The following PLPP7 variants were observed in gnomAD, a reference collection of about 807,000 sequenced individuals.
PLPP7 encodes the protein inactive phospholipid phosphatase 7.
A neutral mutation model predicts 16.9 loss-of-function variants in PLPP7; 11 were observed. The observed-to-expected ratio is 0.65, with a 90% CI of 0.41 to 1.08. The LOEUF (loss-of-function observed/expected upper bound fraction) is 1.08. Among genes scored for constraint, PLPP7 ranks in the 50% least tolerant of loss-of-function variants. The pLI is 0.00. For missense variants in PLPP7, 358 were observed against 397.1 expected (o/e 0.90, Z 0.84); for synonymous variants, 174 against 175.1 (o/e 0.99, Z 0.05).
intron 1 of PLPP7, among the ~76,000 whole-genome samples, chr9:131,305,908 T>C (rs1835846704): frequency 6.6e-6 from 1 of 151,900 alleles, no homozygotes; most frequent in Non-Finnish European, 1.5e-5. Context: ...GGATTATAAG[T>C]GTGACCCACC....
rs57655140 is a variant in PLPP7 at position 131,305,385 on chromosome 9, TAA to T, written c.452-2529_452-2528del. Among the ~76,000 whole-genome samples, 7 of 150,314 alleles carry T rather than the reference TAA, an allele frequency of 4.7e-5. No individual in the cohort carries two copies. In the South Asian group the frequency reaches 1.1e-3, roughly 23 times the overall value. ...GGCAGCAAAGTGGGATGCCCATCTG[TAA>T]AAAAAAAATTTTTTTTTAATTAGCT... On this transcript the variant is annotated intron_variant, in intron 1 of 1. Transcript: ENST00000372264.
At chr9:131,291,538 C>G (rs1487125301) in intron 1 of PLPP7, 1 of 390,978 alleles carries the variant, frequency 2.6e-6, no homozygotes, top group Non-Finnish European at 3.5e-6. Flanking sequence ...GGTCTGCCAC[C>G]TTCGAGGTTT....
intron 1 of PLPP7, among the ~76,000 whole-genome samples, chr9:131,296,296 G>T (rs1043827649): frequency 1.3e-5 from 2 of 152,054 alleles, no homozygotes; most frequent in Non-Finnish European, 2.9e-5. Context: ...ACAGAGTCTC[G>T]CTCTGTCACC....
Position 131,289,726 on chromosome 9 carries a change from G to A in PLPP7, c.-272G>A. The stretch of plus-strand genomic sequence containing the variant: ...CCAGGCCCGAGGCAGCCAGGCCGCA[G>A]CTGTGGACTCCTCACCTCCCGGAGG... On this transcript the variant is annotated 5_prime_UTR_variant, in exon 1 of 2. Coordinates refer to ENST00000372264, the MANE Select transcript of PLPP7 (RefSeq NM_032728.4). The A allele has an allele frequency of 2.6e-6, 1 of 381,326 alleles. No homozygotes were observed. Among genetic ancestry groups the A allele is most frequent in the Non-Finnish European group, 4.6e-6 (1 of 215,286 alleles). 23.6% of individuals were successfully genotyped at this position (381,326 alleles called of 1,614,324 possible).
chr9:131,291,315 A>G (rs1835675274), intron 1 of PLPP7: 3 of 1,210,248 alleles, frequency 2.5e-6, no homozygotes, highest in Admixed American at 5.9e-5. Context: ...TTTGAGGGAC[A>G]TGTGAGGTGG....
At chr9:131,307,601 G>A (rs894934013) in intron 1 of PLPP7, among the ~76,000 whole-genome samples, 1 of 144,458 alleles carries the variant, frequency 6.9e-6, no homozygotes, top group Admixed American at 6.9e-5. Flanking sequence ...GAAATAAAAT[G>A]CGTATTATGT....
At chr9:131,301,720 A>G (rs1167024684) in intron 1 of PLPP7, among the ~76,000 whole-genome samples, 1 of 151,776 alleles carries the variant, frequency 6.6e-6, no homozygotes, top group East Asian at 1.9e-4. Context: ...GTCAGCCACC[A>G]CACTCCTCCC....
In PLPP7 at chr9:131,307,987, C is replaced by A; in HGVS notation, c.516C>A (p.Tyr172Ter). ...AGCTCATCAAGCGGCGCGGCCCGTA[C>A]GAGACGAGCCCCAGCCTCCTGGACT... ...VQKLIKRRGP[Y>*]ETSPSLLDYL... Residue 172 changes from tyrosine (Y) to a stop codon, truncating the protein, a stop_gained, in exon 2 of 2, where the codon TAC becomes TAA. Transcript: ENST00000372264. LOFTEE classifies it high-confidence loss of function. The A allele has an allele frequency of 6.2e-7, 1 of 1,600,370 alleles. No individual in the cohort carries two copies.
chr9:131,298,834 TC>T (rs1835764831), intron 1 of PLPP7, among the ~76,000 whole-genome samples: 1 of 152,170 alleles, frequency 6.6e-6, no homozygotes, highest in African/African-American at 2.4e-5. Context: ...AGGGTGGGCC[TC>T]GAGGTGGGTT....
rs188549216 is a variant in PLPP7, at chr9:131,292,457, G to A, written c.451+2009G>A. 3.3e-5 allele frequency among the ~76,000 whole-genome samples: 5 copies of A among 152,332 alleles called. No homozygotes were observed. The East Asian group carries it at 9.6e-4, about 29-fold the overall frequency. ...ACCATAACCCATGGAGCTTGGTGCT[G>A]TTATTATTCCCCATTTAAAGAGGGG... On this transcript the variant is annotated intron_variant, in intron 1 of 1. Transcript: ENST00000372264.
At chr9:131,307,145 C>T (rs1193742352) in intron 1 of PLPP7, among the ~76,000 whole-genome samples, 3 of 150,882 alleles carry the variant, frequency 2.0e-5, no homozygotes, top group Non-Finnish European at 2.9e-5. Flanking sequence ...ACTCGGGAGG[C>T]TGAAGTATGA....
In PLPP7 at chr9:131,307,936, C is replaced by T. The variant is rs137860819; in HGVS notation, c.465C>T (p.Asp155=). ...TCCCCCCAACAGCCCTGCTCCTGGACATCATGACGGTGGCCGGCGTGCAGA... is the reference window on the plus strand; with the variant it reads ...TCCCCCCAACAGCCCTGCTCCTGGATATCATGACGGTGGCCGGCGTGCAGA... ...LMNLLLALLL[D]IMTVAGVQKL... is the part of the protein sequence containing the mutation. The change falls in exon 2 of 2, where the codon GAC becomes GAT. Residue 155 remains aspartate (D), a synonymous_variant. Coordinates refer to ENST00000372264, the MANE Select transcript of PLPP7 (RefSeq NM_032728.4). The T allele has an allele frequency of 1.5e-4, 241 of 1,591,206 alleles. 1 individual carries two copies. The highest frequency in any genetic ancestry group is 8.2e-4 in the Middle Eastern group (5 of 6,062).
intron 1 of PLPP7, among the ~76,000 whole-genome samples, chr9:131,307,551 C>CAAAAAAAAAAAAA (rs57469502): frequency 1.7e-5 from 1 of 60,586 alleles, no homozygotes; most frequent in Admixed American, 2.5e-4. Context: ...AACTCTGTCT[C>CAAAAAAAAAAAAA]AAAAAAAAAA....
chr9:131,298,556 G>A (rs1372918995), intron 1 of PLPP7, among the ~76,000 whole-genome samples: 1 of 151,828 alleles, frequency 6.6e-6, no homozygotes, highest in Non-Finnish European at 1.5e-5. Flanking sequence ...TGGTCCCACA[G>A]AGTGCGTCCT....
chr9:131,306,544 A>C (rs546023394), intron 1 of PLPP7, among the ~76,000 whole-genome samples: 28 of 152,194 alleles, frequency 1.8e-4, no homozygotes, highest in Non-Finnish European at 3.5e-4. Flanking sequence ...CTCAAAAAAA[A>C]AAAGAAAGAG....
chr9:131,307,053 TG>T (rs1385091404), intron 1 of PLPP7, among the ~76,000 whole-genome samples: 2 of 151,894 alleles, frequency 1.3e-5, no homozygotes, highest in Admixed American at 6.6e-5. Flanking sequence ...GAGACCAGCC[TG>T]GCCAACATGG....
rs1016977364 is a variant in PLPP7, at chr9:131,308,976, C to G, written c.*689C>G. ...TTCTAAACTTATTTGACCACAGAAC[C>G]CTTTTCTTGGGGAACAGCTATTAAC... On this transcript the variant is annotated 3_prime_UTR_variant, in exon 2 of 2. Coordinates refer to ENST00000372264, the MANE Select transcript of PLPP7 (RefSeq NM_032728.4). 6.6e-6 allele frequency: 1 copy of G among 152,288 alleles called. No homozygotes were observed. Among genetic ancestry groups the G allele is most frequent in the African/African-American group, 2.4e-5 (1 of 41,466 alleles). 9.4% of individuals were successfully genotyped at this position (152,288 alleles called of 1,614,324 possible). A position where few individuals can be genotyped will look rare whatever the true frequency, so the allele number is the denominator to read the frequency against.
At position 131,308,299 on chromosome 9, in the gene PLPP7, G is replaced by A. The variant is rs764137049; in HGVS notation, c.*12G>A. On this transcript the variant is annotated 3_prime_UTR_variant, in exon 2 of 2. Coordinates refer to ENST00000372264, the MANE Select transcript of PLPP7 (RefSeq NM_032728.4). ...TCTCTGCCTGGTGAAGCGCCCGCCG[G>A]CCCACACAAGCCTCTGGGGGCAGGG... 1.9e-6 allele frequency: 3 copies of A among 1,572,606 alleles called. No individual in the cohort carries two copies. The highest frequency in any genetic ancestry group is 2.7e-5 in the African/African-American group (2 of 74,536).
chr9:131,293,910 C>T (rs2131213876), intron 1 of PLPP7, among the ~76,000 whole-genome samples: 1 of 152,292 alleles, frequency 6.6e-6, no homozygotes, highest in South Asian at 2.1e-4. Flanking sequence ...CTCAGCTAAC[C>T]CCCAGGGGCA....
Sources: gnomAD v4.1 joint callset for allele counts (sites outside exome capture counted in the v4.1 genomes callset) on GRCh38, gnomAD v4.1.1 for gene constraint, MANE v1.5 for transcripts, NCBI Gene and HGNC (gene_info 2026-07-23, HGNC 2026-07-21) for gene names.